NRP1: variants seen among roughly 807,000 people sequenced by gnomAD.
NRP1 encodes the protein neuropilin-1.
In NRP1, 35 loss-of-function variants were observed where a neutral mutation model predicts 106.7. The ratio of observed to expected loss-of-function variants is 0.33; its 90% CI spans 0.25 to 0.43. NRP1 has a LOEUF of 0.43. Ranked by LOEUF, NRP1 falls within the 20% of genes least tolerant of loss-of-function variation. NRP1 has a pLI of 1.00. For synonymous variants in NRP1, 437 were observed against 417.9 expected (o/e 1.05, Z -0.56); for missense variants, 1,024 against 1,170.4 (o/e 0.87, Z 1.83).
In NRP1 at chr10:33,180,442, A is replaced by G. The variant is rs1835613814; in HGVS notation, c.2483-77T>C. On this transcript the variant is annotated intron_variant, in intron 16 of 16. Coordinates refer to ENST00000374867, the MANE Select transcript of NRP1 (RefSeq NM_003873.7). ...AAAGCAGACAGAAAAATAGAAAGGAACGAAACAGGAGCAAATCACACACCC... is the reference window on the plus strand; with the variant it reads ...AAAGCAGACAGAAAAATAGAAAGGAGCGAAACAGGAGCAAATCACACACCC... The G allele has an allele frequency of 2.5e-5, 35 of 1,414,328 alleles. No homozygotes were observed. The South Asian group carries it at 4.8e-4, about 19-fold the overall frequency. 87.6% of individuals were successfully genotyped at this position (1,414,328 alleles called of 1,614,324 possible). A position where few individuals can be genotyped will look rare whatever the true frequency, so the allele number is the denominator to read the frequency against.
At chr10:33,290,789 T>C (rs538824348) in intron 2 of NRP1, among the ~76,000 whole-genome samples, 1 of 152,314 alleles carries the variant, frequency 6.6e-6, no homozygotes, top group East Asian at 1.9e-4. Context: ...TGAAGCAAAC[T>C]GAAATTCAAT....
At chr10:33,293,393 G>A (rs1444799805) in intron 2 of NRP1, among the ~76,000 whole-genome samples, 1 of 152,170 alleles carries the variant, frequency 6.6e-6, no homozygotes, top group African/African-American at 2.4e-5. Flanking sequence ...TTTATAATGG[G>A]GATGGTAACT....
Position 33,202,940 on chromosome 10 carries a change from G to T in NRP1, c.1815C>A (p.Asp605Glu), listed in dbSNP as rs148913335. The T allele has an allele frequency of 1.9e-6, 3 of 1,614,038 alleles. No individual in the cohort carries two copies. The highest frequency in any genetic ancestry group is 2.5e-6 in the Non-Finnish European group (3 of 1,180,026). The change falls in exon 11 of 17, where the codon GAC (aspartate) becomes GAA (glutamate). Residue 605 changes from aspartate (D) to glutamate (E), a missense_variant. Coordinates refer to ENST00000374867, the MANE Select transcript of NRP1 (RefSeq NM_003873.7). ...PNGNLVDECD[D>E]DQANCHSGTG... is the part of the protein sequence containing the mutation. ...TTCCACTGTGGCAGTTGGCCTGGTC[G>T]TCATCACATTCATCCACCAAGTTCC...
intron 13 of NRP1, among the ~76,000 whole-genome samples, chr10:33,189,219 C>A (rs1352951291): frequency 2.6e-5 from 4 of 152,072 alleles, no homozygotes; most frequent in Admixed American, 6.5e-5. Flanking sequence ...TGGAAGGAAT[C>A]CAATTTCATC....
intron 9 of NRP1, among the ~76,000 whole-genome samples, chr10:33,210,931 T>A (rs1411005701): frequency 6.6e-6 from 1 of 152,220 alleles, no homozygotes; most frequent in East Asian, 1.9e-4. Context: ...GTCTTAGAGA[T>A]TTTATTTCAG....
rs114564015 is a variant in NRP1 at position 33,267,533 on chromosome 10, C to T, written c.430+3142G>A. Among the ~76,000 whole-genome samples, 118 of 152,280 alleles carry T rather than the reference C, an allele frequency of 7.7e-4. 1 individual carries two copies. The Middle Eastern group carries it at 0.02, about 26-fold the overall frequency. ...AATTATTATTAAATGCACAAACTCT[C>T]AATCACATAACATATATCAAGTGAC... On this transcript the variant is annotated intron_variant, in intron 3 of 16. Transcript: ENST00000374867.
In NRP1 at chr10:33,192,385, C is replaced by T; in HGVS notation, c.1958G>A (p.Gly653Asp). The T allele has an allele frequency of 1.2e-6, 2 of 1,613,780 alleles. No homozygotes were observed. Among genetic ancestry groups the T allele is most frequent in the Non-Finnish European group, 1.7e-6 (2 of 1,179,908 alleles). Residue 653 changes from glycine to aspartate, a missense_variant, in exon 13 of 17, where the codon GGC (glycine) becomes GAC (aspartate). Physicochemically the swap from Gly to Asp is moderately conservative, Grantham distance 94 (BLOSUM62 -1). Around this residue, in one of 5 missense-constraint regions of NRP1, gnomAD observed 562 missense variants for 620.3 expected, o/e 0.91. Transcript: ENST00000374867. ...GCAGAAGGTCTTGTGAGAGCCCCAG[C>T]CAAATTCACAGTTAAAACCATATGT... The part of the protein sequence containing the change: ...FPTYGFNCEF[G>D]WGSHKTFCHW...
intron 10 of NRP1, chr10:33,206,150 C>G: frequency 3.9e-6 from 2 of 507,140 alleles, no homozygotes; most frequent in Non-Finnish European, 7.9e-6. Flanking sequence ...TCCATTCACT[C>G]CACCTCCTAA....
chr10:33,200,300 G>T (rs986871668), intron 11 of NRP1, among the ~76,000 whole-genome samples: 2 of 152,200 alleles, frequency 1.3e-5, no homozygotes, highest in African/African-American at 4.8e-5. Context: ...GAGGCCAAGT[G>T]TATTATCTAA....
intron 2 of NRP1, among the ~76,000 whole-genome samples, chr10:33,272,934 G>A (rs1319925381): frequency 2.0e-5 from 3 of 152,064 alleles, no homozygotes; most frequent in Non-Finnish European, 2.9e-5. Context: ...TTGAGGATAC[G>A]TTCCTCTCAG....
chr10:33,192,970 T>A (rs568807218), intron 12 of NRP1, among the ~76,000 whole-genome samples: 179 of 152,306 alleles, frequency 1.2e-3, no homozygotes, highest in African/African-American at 4.1e-3. Flanking sequence ...ATTTTAGGAT[T>A]ATTTTTTTTT....
At chr10:33,198,644 C>T (rs1029506345) in intron 11 of NRP1, among the ~76,000 whole-genome samples, 1 of 152,132 alleles carries the variant, frequency 6.6e-6, no homozygotes, top group Non-Finnish European at 1.5e-5. Context: ...TGACCTCAAC[C>T]TCTAAGCTTC....
chr10:33,241,266 C>T (rs993552563), intron 6 of NRP1, among the ~76,000 whole-genome samples: 12 of 152,098 alleles, frequency 7.9e-5, no homozygotes, highest in African/African-American at 2.4e-4. Flanking sequence ...AGCATTATTC[C>T]GTGCTCTGAA....
intron 3 of NRP1, 103 bp downstream of exon 3, chr10:33,270,572 C>G: frequency 1.1e-6 from 1 of 947,996 alleles, no homozygotes; most frequent in Non-Finnish European, 1.5e-6. Context: ...AGTGATCCAC[C>G]TGCCTCGGCC....
intron 6 of NRP1, among the ~76,000 whole-genome samples, chr10:33,231,800 A>G (rs1429554457): frequency 6.6e-6 from 1 of 152,158 alleles, no homozygotes; most frequent in Non-Finnish European, 1.5e-5. Context: ...CAAGATGGCT[A>G]TGGGGGATAA....
chr10:33,230,974 C>T (rs1317460305), intron 6 of NRP1, among the ~76,000 whole-genome samples: 2 of 150,882 alleles, frequency 1.3e-5, no homozygotes, highest in African/African-American at 4.9e-5. Context: ...ACATTGGCTT[C>T]AATCTACCTT....
At chr10:33,191,498 G>A (rs1236790880) in intron 13 of NRP1, among the ~76,000 whole-genome samples, 1 of 152,206 alleles carries the variant, frequency 6.6e-6, no homozygotes, top group Non-Finnish European at 1.5e-5. Flanking sequence ...TAAAATAAAC[G>A]AGGGGACATA....
At position 33,264,010 on chromosome 10, in the gene NRP1, C is replaced by T. The variant is rs1454512482; in HGVS notation, c.431-137G>A. 8.1e-6 allele frequency: 5 copies of T among 620,176 alleles called. No individual in the cohort carries two copies. In the Admixed American group the frequency reaches 8.4e-5, roughly 10 times the overall value. The allele number at this position is 620,176 out of a possible 1,614,324, so 38.4% of individuals were successfully genotyped here. ...ACCACTGTTCTAATCATGTATTAGTCAGCCTTTTCATATTAGTAAAATGGG... is the reference window on the plus strand; with the variant it reads ...ACCACTGTTCTAATCATGTATTAGTTAGCCTTTTCATATTAGTAAAATGGG... On this transcript the variant is annotated intron_variant, in intron 3 of 16. Transcript: ENST00000374867.
chr10:33,329,812 G>GTT (rs1324260784), intron 2 of NRP1, among the ~76,000 whole-genome samples: 1 of 152,220 alleles, frequency 6.6e-6, no homozygotes, highest in East Asian at 1.9e-4. Context: ...CAGGGGGTCT[G>GTT]TTGGGTGTTA....
Sources: gnomAD v4.1 joint callset for allele counts (sites outside exome capture counted in the v4.1 genomes callset) on GRCh38, gnomAD v4.1.1 for gene constraint, gnomAD v4.1.1 regional missense constraint, MANE v1.5 for transcripts, NCBI Gene and HGNC (gene_info 2026-07-23, HGNC 2026-07-21) for gene names.